The following NALF1 variants were observed in gnomAD, a reference collection of about 807,000 sequenced individuals.
The protein encoded by NALF1 is NALCN channel auxiliary factor 1.
Under a neutral mutation model 48.4 loss-of-function variants are expected in NALF1, and 3 were observed. The observed-to-expected ratio is 0.06, with a 90% CI of 0.03 to 0.16. The LOEUF is 0.16. Ranked by LOEUF, NALF1 falls within the 10% of genes least tolerant of loss-of-function variation. NALF1 has a pLI of 1.00. For missense variants in NALF1, 526 were observed against 571.5 expected (o/e 0.92, Z 0.81); for synonymous variants, 262 against 245.7 (o/e 1.07, Z -0.62).
intron 1 of NALF1, among the ~76,000 whole-genome samples, chr13:107,289,772 C>T (rs1457465305): frequency 6.6e-6 from 1 of 152,120 alleles, no homozygotes. Flanking sequence ...CACCAACACT[C>T]CACCAGAATA....
chr13:107,638,174 T>C (rs1038503372), intron 1 of NALF1, among the ~76,000 whole-genome samples: 12 of 142,214 alleles, frequency 8.4e-5, no homozygotes, highest in Admixed American at 7.9e-4. Flanking sequence ...TATATCCCTA[T>C]CTATATAAAG....
chr13:107,785,081 T>C (rs1468409709), intron 1 of NALF1, among the ~76,000 whole-genome samples: 5 of 152,022 alleles, frequency 3.3e-5, no homozygotes, highest in Admixed American at 3.3e-4. Flanking sequence ...TGTGTGTATG[T>C]ATATATACAC....
chr13:107,826,179 G>C (rs1478150981), intron 1 of NALF1, among the ~76,000 whole-genome samples: 7 of 152,262 alleles, frequency 4.6e-5, no homozygotes, highest in Admixed American at 3.3e-4. Flanking sequence ...CTTAGACTGA[G>C]GAAAAGCAGA....
chr13:107,657,853 G>A (rs1022725035), intron 1 of NALF1, among the ~76,000 whole-genome samples: 1 of 152,150 alleles, frequency 6.6e-6, no homozygotes, highest in Non-Finnish European at 1.5e-5. Context: ...GCACGGTTCC[G>A]TCTGACACTT....
rs571259371 is a variant in NALF1 at position 107,284,099 on chromosome 13, C to T, written c.916-73344G>A. 3.2e-4 allele frequency among the ~76,000 whole-genome samples: 49 copies of T among 152,160 alleles called. 1 individual carries two copies. The South Asian group carries it at 0.01, about 32-fold the overall frequency. On this transcript the variant is annotated intron_variant, in intron 1 of 2. Coordinates refer to ENST00000375915, the MANE Select transcript of NALF1 (RefSeq NM_001080396.3). Reference sequence around the variant, plus strand: ...AGGGCAAAGGATTATGGCTGACATACGATCACAGCCTAATGTCTGGGAGAA... The same window carrying T: ...AGGGCAAAGGATTATGGCTGACATATGATCACAGCCTAATGTCTGGGAGAA...
chr13:107,844,846 G>A (rs961774407), intron 1 of NALF1, among the ~76,000 whole-genome samples: 8 of 152,068 alleles, frequency 5.3e-5, no homozygotes, highest in African/African-American at 7.2e-5. Context: ...AGGGATAGGC[G>A]TTTCTGAGAG....
chr13:107,550,820 T>G (rs1877270283), intron 1 of NALF1, among the ~76,000 whole-genome samples: 1 of 152,052 alleles, frequency 6.6e-6, no homozygotes. Flanking sequence ...TCAGGTGACC[T>G]GAGATGAAGT....
In NALF1 at chr13:107,241,060, A is replaced by AG. The variant is rs1212163371; in HGVS notation, c.916-30306_916-30305insC. ...GAAACCCCATATCTACTAAAAAAAA[A>AG]AAAAAAAAAAAAAAGCCGAACTACT... is the stretch of plus-strand genomic sequence containing the variant. On this transcript the variant is annotated intron_variant, in intron 1 of 2. Coordinates refer to ENST00000375915, the MANE Select transcript of NALF1 (RefSeq NM_001080396.3). Among the ~76,000 whole-genome samples the AG allele has an allele frequency of 1.3e-4, 20 of 149,886 alleles. No homozygotes were observed. In the East Asian group the frequency reaches 3.9e-3, roughly 29 times the overall value.
chr13:107,593,637 C>CT (rs1338205689), intron 1 of NALF1, among the ~76,000 whole-genome samples: 1 of 151,818 alleles, frequency 6.6e-6, no homozygotes, highest in Non-Finnish European at 1.5e-5. Context: ...CACTGAGATC[C>CT]TAGGAGTCAA....
At chr13:107,612,123 AG>A (rs1879246339) in intron 1 of NALF1, among the ~76,000 whole-genome samples, 1 of 15,362 alleles carries the variant, frequency 6.5e-5, no homozygotes. Context: ...GGGAGGGGGG[AG>A]GGGAGGAGGA....
rs761695363 is a variant in NALF1 at position 107,865,665 on chromosome 13, C to A, written c.915+17G>T. On this transcript the variant is annotated intron_variant, in intron 1 of 2. Transcript: ENST00000375915. ...TAGGAAAGTGCAGGAAAGGGGGAAACCCCCGAGGGTTCCTACCTTACAGTC... is the reference window on the plus strand; with the variant it reads ...TAGGAAAGTGCAGGAAAGGGGGAAAACCCCGAGGGTTCCTACCTTACAGTC... 5 of 1,607,044 alleles carry A rather than the reference C, an allele frequency of 3.1e-6. No individual in the cohort carries two copies. Among genetic ancestry groups the A allele is most frequent in the Non-Finnish European group, 4.3e-6 (5 of 1,175,106 alleles).
At chr13:107,483,886 A>G (rs1885289418) in intron 1 of NALF1, among the ~76,000 whole-genome samples, 2 of 152,056 alleles carry the variant, frequency 1.3e-5, no homozygotes, top group African/African-American at 4.8e-5. Flanking sequence ...AAAGCTTTAG[A>G]GATAAAGAAT....
At chr13:107,501,465 G>A (rs189010482) in intron 1 of NALF1, among the ~76,000 whole-genome samples, 217 of 152,158 alleles carry the variant, frequency 1.4e-3, no homozygotes, top group African/African-American at 4.7e-3. Context: ...TAAGCTGCTG[G>A]AGCAGCAAAT....
At chr13:107,222,582 C>T (rs761757815) in intron 1 of NALF1, among the ~76,000 whole-genome samples, 1 of 152,190 alleles carries the variant, frequency 6.6e-6, no homozygotes, top group African/African-American at 2.4e-5. Flanking sequence ...TTAGGAGAAG[C>T]CCGACTGAAG....
chr13:107,201,910 C>T (rs1416523820), intron 2 of NALF1, among the ~76,000 whole-genome samples: 2 of 152,110 alleles, frequency 1.3e-5, no homozygotes, highest in African/African-American at 2.4e-5. Flanking sequence ...GAGTGAGTTT[C>T]GGTGGCGAGG....
At chr13:107,519,514 C>T (rs560782536) in intron 1 of NALF1, among the ~76,000 whole-genome samples, 3 of 152,098 alleles carry the variant, frequency 2.0e-5, no homozygotes, top group Non-Finnish European at 1.5e-5. Context: ...TTCAGGAGGA[C>T]AGCACTCAGT....
chr13:107,514,513 G>C (rs1463154252), intron 1 of NALF1, among the ~76,000 whole-genome samples: 1 of 151,930 alleles, frequency 6.6e-6, no homozygotes, highest in Non-Finnish European at 1.5e-5. Context: ...ACCTTTGAAT[G>C]GGCCCAGGTT....
chr13:107,277,749 T>C (rs914647606), intron 1 of NALF1, among the ~76,000 whole-genome samples: 12 of 152,198 alleles, frequency 7.9e-5, no homozygotes, highest in African/African-American at 2.9e-4. Context: ...TAATTACTCA[T>C]CTGTTATTTT....
chr13:107,232,404 C>A (rs73583179), intron 1 of NALF1, among the ~76,000 whole-genome samples: 5,573 of 152,162 alleles, frequency 0.037, 157 homozygotes, highest in South Asian at 0.078. Flanking sequence ...CCATTATGAG[C>A]GAACTGAGAA....
Sources: allele counts gnomAD v4.1 joint callset (sites outside exome capture counted in the v4.1 genomes callset), GRCh38; gene constraint gnomAD v4.1.1; transcripts MANE v1.5; gene names NCBI Gene and HGNC (gene_info 2026-07-23, HGNC 2026-07-21).